Variants in NCAM2 observed in about 807,000 individuals in gnomAD.
The protein encoded by NCAM2 is neural cell adhesion molecule 2.
A neutral mutation model predicts 98.1 loss-of-function variants in NCAM2; 30 were observed. That is an observed-to-expected ratio of 0.31 (90% CI 0.23 to 0.41). The LOEUF (loss-of-function observed/expected upper bound fraction) is 0.41, where lower values mean the gene tolerates loss of function less well. Among genes scored for constraint, NCAM2 ranks in the 10% least tolerant of loss-of-function variants. The pLI is 1.00. For missense variants in NCAM2, 867 were observed against 1,005.8 expected (o/e 0.86, Z 1.87); for synonymous variants, 368 against 342.4 (o/e 1.07, Z -0.83).
At chr21:21,376,082 G>A (rs147543013) in intron 9 of NCAM2, among the ~76,000 whole-genome samples, 3 of 151,772 alleles carry the variant, frequency 2.0e-5, no homozygotes, top group African/African-American at 7.2e-5. Flanking sequence ...AGTGTGTTAT[G>A]TGTCCCTGAG....
At chr21:21,047,772 A>G (rs1684758300) in intron 1 of NCAM2, among the ~76,000 whole-genome samples, 1 of 151,902 alleles carries the variant, frequency 6.6e-6, no homozygotes, top group Non-Finnish European at 1.5e-5. Context: ...AGCTGTGTGG[A>G]TTTTTGTTCT....
At chr21:21,158,535 G>T (rs769495366) in intron 1 of NCAM2, among the ~76,000 whole-genome samples, 1 of 151,928 alleles carries the variant, frequency 6.6e-6, no homozygotes, top group Non-Finnish European at 1.5e-5. Context: ...AACCCAAGAG[G>T]TGGAGGTTGC....
chr21:21,342,222 T>C (rs1325194697), intron 8 of NCAM2, among the ~76,000 whole-genome samples: 3 of 152,216 alleles, frequency 2.0e-5, no homozygotes, highest in Non-Finnish European at 4.4e-5. Context: ...GTATTATTAC[T>C]GCATAGTAAA....
chr21:21,533,166 C>CTTTTTTTTTCTTTTTTTTTTTTT (rs1989801155), intron 16 of NCAM2, among the ~76,000 whole-genome samples: 1 of 93,804 alleles, frequency 1.1e-5, no homozygotes, highest in Non-Finnish European at 2.1e-5. Flanking sequence ...TGTTTGCTTG[C>CTTTTTTTTTCTTTTTTTTTTTTT]TTTTTTTTTT....
chr21:21,244,398 T>A (rs1490679823), intron 1 of NCAM2, among the ~76,000 whole-genome samples: 1 of 152,164 alleles, frequency 6.6e-6, no homozygotes, highest in Non-Finnish European at 1.5e-5. Context: ...CATCATAAAC[T>A]CTCAGGTACC....
At chr21:21,251,615 T>G (rs2071474109) in intron 1 of NCAM2, among the ~76,000 whole-genome samples, 1 of 152,174 alleles carries the variant, frequency 6.6e-6, no homozygotes, top group Non-Finnish European at 1.5e-5. Flanking sequence ...GCAGTAAACA[T>G]ACGTGTGCCT....
chr21:21,266,744 A>C (rs13050511), intron 1 of NCAM2, among the ~76,000 whole-genome samples: 23,495 of 152,062 alleles, frequency 0.15, 2,280 homozygotes, highest in Middle Eastern at 0.3. Context: ...GGGGGGAGGG[A>C]TAGCATTAGG....
rs1351747640 is a variant in NCAM2, at chr21:21,515,853, T to C, written c.2282+6798T>C. The stretch of plus-strand genomic sequence containing the variant: ...TGTTTGAAATCTTCTTATTAAATTT[T>C]ATCATTTATAACTGAAGAAGACGGC... On this transcript the variant is annotated intron_variant, in intron 16 of 17. Coordinates refer to ENST00000400546, the MANE Select transcript of NCAM2 (RefSeq NM_004540.5). Among the ~76,000 whole-genome samples the C allele has an allele frequency of 2.6e-5, 4 of 152,282 alleles. No homozygotes were observed. The East Asian group carries it at 7.7e-4, about 29-fold the overall frequency.
At chr21:21,150,835 CTG>C (rs2067426483) in intron 1 of NCAM2, among the ~76,000 whole-genome samples, 1 of 151,650 alleles carries the variant, frequency 6.6e-6, no homozygotes, top group African/African-American at 2.4e-5. Context: ...GAAGTGTTCT[CTG>C]TTGATTTTAA....
At chr21:21,335,418 T>G (rs1436612054) in intron 6 of NCAM2, 87 bp from the exon 7 acceptor site, 2 of 1,123,444 alleles carry the variant, frequency 1.8e-6, no homozygotes, top group South Asian at 3.9e-5. Context: ...CATATAGTCA[T>G]CAATGCCTAT....
intron 1 of NCAM2, among the ~76,000 whole-genome samples, chr21:21,251,422 T>C (rs960820275): frequency 6.6e-6 from 1 of 152,086 alleles, no homozygotes. Flanking sequence ...TTTCTGTTCC[T>C]GTGTTAGCTT....
At chr21:21,443,359 G>A (rs548922843) in intron 12 of NCAM2, among the ~76,000 whole-genome samples, 7 of 152,154 alleles carry the variant, frequency 4.6e-5, no homozygotes, top group Non-Finnish European at 1.0e-4. Context: ...AACCAACATG[G>A]CACATGTATA....
At chr21:21,415,854 A>G (rs2145943369) in intron 10 of NCAM2, among the ~76,000 whole-genome samples, 1 of 152,282 alleles carries the variant, frequency 6.6e-6, no homozygotes, top group East Asian at 1.9e-4. Flanking sequence ...GGCTTAAGGG[A>G]GTATTGTGGT....
At chr21:21,042,784 G>A (rs34182053) in intron 1 of NCAM2, among the ~76,000 whole-genome samples, 2 of 152,154 alleles carry the variant, frequency 1.3e-5, no homozygotes, top group South Asian at 2.1e-4. Flanking sequence ...CAGAATGCAA[G>A]AGTTGTGTAA....
chr21:21,068,719 A>G lies in NCAM2; in HGVS notation c.55+70101A>G, dbSNP rs1365448531. The stretch of plus-strand genomic sequence containing the variant: ...GTGATCTGCCCACCTCGGTCTCCCA[A>G]GGTATTGCATTTGTATGCAATGACC... On this transcript the variant is annotated intron_variant, in intron 1 of 17. Transcript: ENST00000400546. Among the ~76,000 whole-genome samples, 6 of 152,258 alleles carry G rather than the reference A, an allele frequency of 3.9e-5. No individual in the cohort carries two copies. The South Asian group carries it at 1.2e-3, about 32-fold the overall frequency.
At chr21:21,398,254 A>G (rs1179753070) in intron 9 of NCAM2, among the ~76,000 whole-genome samples, 2 of 152,164 alleles carry the variant, frequency 1.3e-5, no homozygotes, top group East Asian at 3.8e-4. Flanking sequence ...GACTTTGGGG[A>G]CTGAAGGGAA....
chr21:21,021,468 G>A (rs2064434263), intron 1 of NCAM2, among the ~76,000 whole-genome samples: 1 of 152,202 alleles, frequency 6.6e-6, no homozygotes, highest in Non-Finnish European at 1.5e-5. Flanking sequence ...AACTTGTTTA[G>A]AGAGTGAGAA....
intron 1 of NCAM2, among the ~76,000 whole-genome samples, chr21:21,006,535 G>C (rs1383070321): frequency 6.6e-6 from 1 of 152,010 alleles, no homozygotes. Context: ...AACATGTGTC[G>C]ATCCATACAT....
chr21:21,519,545 G>T (rs780359511), intron 16 of NCAM2, among the ~76,000 whole-genome samples: 2 of 149,444 alleles, frequency 1.3e-5, no homozygotes, highest in East Asian at 4.0e-4. Flanking sequence ...CAGTTGTGCT[G>T]TTTATTTTTA....
Sources: allele counts gnomAD v4.1 joint callset (sites outside exome capture counted in the v4.1 genomes callset), GRCh38; gene constraint gnomAD v4.1.1; transcripts MANE v1.5; gene names NCBI Gene and HGNC (gene_info 2026-07-23, HGNC 2026-07-21).